The following DNAH17 variants were observed in gnomAD, a reference collection of about 807,000 sequenced individuals.
DNAH17 encodes the protein dynein axonemal heavy chain 17, also known as axonemal beta dynein heavy chain 17.
A neutral mutation model predicts 485.6 loss-of-function variants in DNAH17; 376 were observed. That is an observed-to-expected ratio of 0.77 (90% confidence interval 0.71 to 0.84). The LOEUF (loss-of-function observed/expected upper bound fraction) is 0.84, where lower values mean the gene tolerates loss of function less well. DNAH17 is among the 40% of genes least tolerant of loss of function. The probability of loss-of-function intolerance (pLI) is 0.00; values close to 1 mark genes in which losing one functional copy is unlikely to be tolerated. For synonymous variants in DNAH17, 3,031 were observed against 2,405.9 expected, an observed-to-expected ratio of 1.26 and a Z score of -7.60; for missense variants, 6,370 against 5,839.3, an observed-to-expected ratio of 1.09 and a Z score of -2.96.
chr17:78,501,882 G>C lies in DNAH17; in HGVS notation c.5191-9C>G, dbSNP rs755205501. ...ACGTTCAGCTGGCTAATCTGCGGGG[G>C]AGAGTGCCTTCGATGAGACACCACG... is the stretch of plus-strand genomic sequence containing the variant. On this transcript the variant is annotated splice_polypyrimidine_tract_variant and intron_variant, in intron 33 of 80. Coordinates refer to ENST00000389840, the MANE Select transcript of DNAH17 (RefSeq NM_173628.4). 6.2e-7 allele frequency: 1 copy of C among 1,613,914 alleles called. No individual in the cohort carries two copies. Among genetic ancestry groups the C allele is most frequent in the Non-Finnish European group, 8.5e-7 (1 of 1,179,862 alleles).
In DNAH17 at chr17:78,475,389, C is replaced by G; in HGVS notation, c.8400G>C (p.Val2800=). Residue 2800 remains valine, a synonymous_variant, in exon 54 of 81, where the codon GTG becomes GTC. Transcript: ENST00000389840. ...LESPRGNALL[V]GVGGSGKQSL... ...TCTGTTTGCCACTGCCGCCCACCCC[C>G]ACCAGCAGGGCATTCCCCCGGGGAG... The G allele has an allele frequency of 3.1e-6, 5 of 1,614,000 alleles. No homozygotes were observed. Among genetic ancestry groups the G allele is most frequent in the Non-Finnish European group, 4.2e-6 (5 of 1,179,900 alleles).
chr17:78,574,649 T>G, intron 2 of DNAH17, 64 bp downstream of exon 2: 1 of 1,436,086 alleles, frequency 7.0e-7, no homozygotes, highest in Non-Finnish European at 9.5e-7. Context: ...GCAGCAGGAC[T>G]CAAGGCCGCT....
chr17:78,477,456 G>A (rs756992536), intron 51 of DNAH17, among the ~76,000 whole-genome samples: 1 of 151,994 alleles, frequency 6.6e-6, no homozygotes, highest in East Asian at 1.9e-4. Flanking sequence ...TCAGCTTACT[G>A]CAACCTCTGC....
Position 78,455,636 on chromosome 17 carries a change from C to A in DNAH17, c.10170+8G>T, listed in dbSNP as rs765366843. On this transcript the variant is annotated splice_region_variant and intron_variant, in intron 63 of 80. Transcript: ENST00000389840. ...GCCACCGCGCCTGGCCAGGACTCCA[C>A]TCCTTACCTTTAAGTTATGTATGTA... 9 of 1,539,628 alleles carry A rather than the reference C, an allele frequency of 5.8e-6. No individual in the cohort carries two copies.
intron 44 of DNAH17, 58 bp from the exon 45 acceptor site, chr17:78,486,564 C>A: frequency 6.5e-7 from 1 of 1,535,752 alleles, no homozygotes; most frequent in South Asian, 1.3e-5. Flanking sequence ...GCCAGTGTCC[C>A]TGCCTTGGTA....
At position 78,552,683 on chromosome 17, in the gene DNAH17, T is replaced by A. The variant is rs1476598835; in HGVS notation, c.2287+14A>T. 3 of 1,598,914 alleles carry A rather than the reference T, an allele frequency of 1.9e-6. No homozygotes were observed. Among genetic ancestry groups the A allele is most frequent in the Middle Eastern group, 1.7e-4 (1 of 6,048 alleles). Reference sequence around the variant, plus strand: ...CAAGTTTAATCCAATGTGGGAGGAATGTGGCCTCCGTACCTTCGCCATTCC... The same window carrying A: ...CAAGTTTAATCCAATGTGGGAGGAAAGTGGCCTCCGTACCTTCGCCATTCC... On this transcript the variant is annotated intron_variant, in intron 15 of 80. Transcript: ENST00000389840.
intron 2 of DNAH17, 36 bp from the exon 3 acceptor site, chr17:78,572,930 G>A: frequency 6.3e-7 from 1 of 1,586,366 alleles, no homozygotes; most frequent in Non-Finnish European, 8.6e-7. Flanking sequence ...CGCCCCCTGT[G>A]CCTTCACCAG....
At chr17:78,470,280 C>G (rs1323919158) in intron 54 of DNAH17, among the ~76,000 whole-genome samples, 2 of 151,000 alleles carry the variant, frequency 1.3e-5, no homozygotes, top group African/African-American at 4.8e-5. Context: ...GTTGGCCAGG[C>G]TGGTCTTGAA....
In DNAH17 at chr17:78,450,414, G is replaced by A. The variant is rs1207118882; in HGVS notation, c.10900-20C>T. ...CACCACCTCGACACAAACAAAAGGG[G>A]TGTGAATGACACAGCAGATGGGCAG... On this transcript the variant is annotated intron_variant, in intron 67 of 80. Coordinates refer to ENST00000389840, the MANE Select transcript of DNAH17 (RefSeq NM_173628.4). 6.2e-7 allele frequency: 1 copy of A among 1,613,158 alleles called. No individual in the cohort carries two copies. The highest frequency in any genetic ancestry group is 2.2e-5 in the East Asian group (1 of 44,868).
At position 78,468,825 on chromosome 17, in the gene DNAH17, A is replaced by G; in HGVS notation, c.8570T>C (p.Leu2857Pro). Residue 2857 changes from leucine to proline, a missense_variant, in exon 55 of 81, where the codon CTG becomes CCG. By Grantham distance (98) the Leu-to-Pro change is moderately conservative. Coordinates refer to ENST00000389840, the MANE Select transcript of DNAH17 (RefSeq NM_173628.4). ...CTCGGCCACCTGGGAGTCTGTCATC[A>G]GGAACACCGAGGGAACGTTCTTCAC... ...AAVKNVPSVF[L>P]MTDSQVAEEQ... is the part of the protein sequence containing the mutation. The G allele has an allele frequency of 6.2e-7, 1 of 1,614,046 alleles. No homozygotes were observed. The highest frequency in any genetic ancestry group is 1.1e-5 in the South Asian group (1 of 91,080).
chr17:78,478,974 T>C lies in DNAH17; in HGVS notation c.7992+51A>G, dbSNP rs191073951. On this transcript the variant is annotated intron_variant, in intron 51 of 80. Coordinates refer to ENST00000389840, the MANE Select transcript of DNAH17 (RefSeq NM_173628.4). ...CTGTGATGAGGAAAGCACCTGTGGA[T>C]CAGGCACTGGACCGTAAGGCAGGCA... 21 of 1,512,380 alleles carry C rather than the reference T, an allele frequency of 1.4e-5. No individual in the cohort carries two copies. The East Asian group carries it at 2.9e-4, about 21-fold the overall frequency. 93.7% of individuals were successfully genotyped at this position (1,512,380 alleles called of 1,614,324 possible). A position where few individuals can be genotyped will look rare whatever the true frequency, so the allele number is the denominator to read the frequency against.
At chr17:78,442,982 A>C (rs560169101) in intron 71 of DNAH17, among the ~76,000 whole-genome samples, 50 of 152,302 alleles carry the variant, frequency 3.3e-4, no homozygotes, top group African/African-American at 1.1e-3. Flanking sequence ...CTATACAATC[A>C]GGGCAGTAAA....
At chr17:78,471,689 C>T (rs1047945648) in intron 54 of DNAH17, among the ~76,000 whole-genome samples, 6 of 152,120 alleles carry the variant, frequency 3.9e-5, no homozygotes, top group Non-Finnish European at 7.4e-5. Flanking sequence ...CCACCGCTCC[C>T]GGCCCGTCTG....
At chr17:78,426,023 A>G (rs1255957138) in intron 79 of DNAH17, among the ~76,000 whole-genome samples, 1 of 152,138 alleles carries the variant, frequency 6.6e-6, no homozygotes, top group African/African-American at 2.4e-5. Context: ...TTGGTCTCCC[A>G]AAGTGCTGGG....
At chr17:78,482,103 G>A (rs1388718492) in intron 48 of DNAH17, among the ~76,000 whole-genome samples, 3 of 136,428 alleles carry the variant, frequency 2.2e-5, no homozygotes, top group African/African-American at 8.3e-5. Context: ...CCCGAGACAG[G>A]GTCTTGCTCT....
At chr17:78,493,673 C>T (rs989914080) in intron 41 of DNAH17, among the ~76,000 whole-genome samples, 1 of 152,220 alleles carries the variant, frequency 6.6e-6, no homozygotes, top group Non-Finnish European at 1.5e-5. Context: ...CAGTCACATC[C>T]GCCACCACCC....
At chr17:78,438,438 A>AGGAGGAG (rs1568050718) in intron 73 of DNAH17, among the ~76,000 whole-genome samples, 1 of 75,038 alleles carries the variant, frequency 1.3e-5, no homozygotes, top group African/African-American at 6.6e-5. Context: ...GAGGAGGAGG[A>AGGAGGAG]GGAGGAGGGA....
rs1416755319 is a variant in DNAH17 at position 78,486,079 on chromosome 17, T to C, written c.7156A>G (p.Ile2386Val). The part of the protein sequence containing the change: ...SKWWINEFKT[I>V]KFPSQGTIFD... Reference sequence around the variant, plus strand: ...ATCGTTCCCTGCGAGGGGAACTTGATAGTCTTGAATTCGTTGATCCACCAT... The same window carrying C: ...ATCGTTCCCTGCGAGGGGAACTTGACAGTCTTGAATTCGTTGATCCACCAT... The change falls in exon 46 of 81, where the codon ATC becomes GTC. Residue 2386 changes from isoleucine to valine, a missense_variant. Coordinates refer to ENST00000389840, the MANE Select transcript of DNAH17 (RefSeq NM_173628.4). The C allele has an allele frequency of 7.4e-6, 12 of 1,613,810 alleles. No homozygotes were observed. The highest frequency in any genetic ancestry group is 8.5e-6 in the Non-Finnish European group (10 of 1,179,878).
intron 16 of DNAH17, among the ~76,000 whole-genome samples, chr17:78,547,452 T>C (rs551490225): frequency 1.3e-5 from 2 of 152,316 alleles, no homozygotes; most frequent in East Asian, 3.9e-4. Context: ...ATGCAGAATA[T>C]TGTTCTGTAT....
Sources: gnomAD v4.1 joint callset for allele counts (sites outside exome capture counted in the v4.1 genomes callset) on GRCh38, gnomAD v4.1.1 for gene constraint, MANE v1.5 for transcripts, NCBI Gene and HGNC (gene_info 2026-07-23, HGNC 2026-07-21) for gene names.